The following ANKRD28 variants were observed in gnomAD, a reference collection of about 807,000 sequenced individuals.
The protein encoded by ANKRD28 is ankyrin repeat domain 28, also known as serine/threonine-protein phosphatase 6 regulatory ankyrin repeat subunit A.
A neutral mutation model predicts 126.5 loss-of-function variants in ANKRD28; 44 were observed. The observed-to-expected ratio is 0.35, with a 90% CI of 0.27 to 0.45. The LOEUF is 0.45. Among genes scored for constraint, ANKRD28 ranks in the 20% least tolerant of loss-of-function variants. The pLI is 1.00. For synonymous variants in ANKRD28, 442 were observed against 468.5 expected (o/e 0.94, Z 0.73); for missense variants, 1,110 against 1,316.6 (o/e 0.84, Z 2.43).
rs1270330162 is a variant in ANKRD28 at position 15,845,439 on chromosome 3, G to A, written c.27+13938C>T. Reference sequence around the variant, plus strand: ...AGGTTACAGCTCCTTGGCATTATCTGTTGAAGTTTCTTGATTCCAGACATC... The same window carrying A: ...AGGTTACAGCTCCTTGGCATTATCTATTGAAGTTTCTTGATTCCAGACATC... On this transcript the variant is annotated intron_variant, in intron 1 of 27. Coordinates refer to the ANKRD28 transcript ENST00000399451. The surrounding 1 kb of genome is among the most constrained non-coding windows in gnomAD (Gnocchi z 4.9). 6.6e-6 allele frequency among the ~76,000 whole-genome samples: 1 copy of A among 152,150 alleles called. No homozygotes were observed. The highest frequency in any genetic ancestry group is 1.5e-5 in the Non-Finnish European group (1 of 68,026).
intron 1 of ANKRD28, among the ~76,000 whole-genome samples, chr3:15,842,091 TATA>T (rs140019998): frequency 0.025 from 3,739 of 148,830 alleles, 162 homozygotes; most frequent in African/African-American, 0.085. Flanking sequence ...TATATTATTT[TATA>T]ATAATTGATA....
intron 14 of ANKRD28, among the ~76,000 whole-genome samples, chr3:15,702,298 A>G (rs1194083865): frequency 6.6e-6 from 1 of 152,210 alleles, no homozygotes; most frequent in African/African-American, 2.4e-5. Context: ...GGTGCTTATA[A>G]AATACTGAAT....
rs982303257 is a variant in ANKRD28 at position 15,816,325 on chromosome 3, C to T, written c.28-21019G>A. Among the ~76,000 whole-genome samples the T allele has an allele frequency of 8.5e-5, 13 of 152,156 alleles. No individual in the cohort carries two copies. The highest frequency in any genetic ancestry group is 4.4e-5 in the Non-Finnish European group (3 of 68,024). ...AATAACTATTTATATGCTAAATGCA[C>T]GGAATATAGCAGTAAACACAAGAAT... On this transcript the variant is annotated intron_variant, in intron 1 of 27. Transcript: ENST00000399451. This position sits in a 1 kb window ranked among gnomAD's most constrained non-coding sequence, Gnocchi z 5.0.
In ANKRD28 at chr3:15,735,492, G is replaced by C; in HGVS notation, c.558C>G (p.Val186=). 2 of 1,551,976 alleles carry C rather than the reference G, an allele frequency of 1.3e-6. No homozygotes were observed. The highest frequency in any genetic ancestry group is 1.7e-6 in the Non-Finnish European group (2 of 1,146,774). ...TGGCACCTCTAGACAAGAGTAGTTTGACCATCTGGAATAGAAGTAAACACA... is the reference window on the plus strand; with the variant it reads ...TGGCACCTCTAGACAAGAGTAGTTTCACCATCTGGAATAGAAGTAAACACA... ...HAAFSGHGEM[V]KLLLSRGANI... The change falls in exon 6 of 28, where the codon GTC becomes GTG. Residue 186 remains valine (V), a synonymous_variant. Coordinates refer to ENST00000683139, the MANE Select transcript of ANKRD28 (RefSeq NM_001349278.2).
chr3:15,807,773 A>T (rs1337039882), intron 1 of ANKRD28, among the ~76,000 whole-genome samples: 1 of 152,252 alleles, frequency 6.6e-6, no homozygotes, highest in African/African-American at 2.4e-5. Context: ...AAATATTTGA[A>T]GTACTGTCAC....
intron 14 of ANKRD28, among the ~76,000 whole-genome samples, chr3:15,699,072 T>A (rs2070137681): frequency 6.6e-6 from 1 of 152,078 alleles, no homozygotes; most frequent in African/African-American, 2.4e-5. Flanking sequence ...AACAGAGGCC[T>A]CAGAAATAAC....
At chr3:15,679,873 T>C (rs559137906) in intron 21 of ANKRD28, among the ~76,000 whole-genome samples, 4 of 151,972 alleles carry the variant, frequency 2.6e-5, no homozygotes, top group Non-Finnish European at 5.9e-5. Flanking sequence ...GCAGACTTTT[T>C]TTCTTGTCAT....
chr3:15,822,837 C>T (rs2060974676), intron 1 of ANKRD28, among the ~76,000 whole-genome samples: 1 of 152,124 alleles, frequency 6.6e-6, no homozygotes, highest in African/African-American at 2.4e-5. Context: ...ATAGCTAGTT[C>T]TTTGAAAACA....
intron 4 of ANKRD28, among the ~76,000 whole-genome samples, chr3:15,737,843 A>T (rs1390127235): frequency 6.6e-6 from 1 of 151,962 alleles, no homozygotes; most frequent in Non-Finnish European, 1.5e-5. Context: ...ACTATTTCTC[A>T]ATGTATTATA....
At chr3:15,748,136 T>C (rs1051485737) in intron 4 of ANKRD28, among the ~76,000 whole-genome samples, 1 of 152,226 alleles carries the variant, frequency 6.6e-6, no homozygotes, top group Non-Finnish European at 1.5e-5. Context: ...GGTGAATTCT[T>C]ATCCATTCTT....
chr3:15,694,598 A>C, intron 17 of ANKRD28, 141 bp downstream of exon 17: 1 of 529,080 alleles, frequency 1.9e-6, no homozygotes, highest in East Asian at 3.2e-5. Context: ...TGAATTAAAG[A>C]AAGTTCTCAA....
intron 2 of ANKRD28, among the ~76,000 whole-genome samples, chr3:15,778,024 A>G (rs1182797613): frequency 1.3e-5 from 2 of 152,136 alleles, no homozygotes; most frequent in Non-Finnish European, 2.9e-5. Flanking sequence ...ACACTTAGTA[A>G]TTTGTTATGC....
intron 17 of ANKRD28, among the ~76,000 whole-genome samples, chr3:15,691,103 A>C (rs977711189): frequency 5.9e-5 from 9 of 152,014 alleles, no homozygotes; most frequent in African/African-American, 2.2e-4. Context: ...GTAAGACTGA[A>C]GATTTGTCAG....
intron 1 of ANKRD28, among the ~76,000 whole-genome samples, chr3:15,808,480 T>C (rs1243301665): frequency 6.6e-6 from 1 of 152,220 alleles, no homozygotes; most frequent in African/African-American, 2.4e-5. Flanking sequence ...TATTTGTATT[T>C]TCAACTTTTT....
chr3:15,822,682 T>TAA (rs370806538), intron 1 of ANKRD28, among the ~76,000 whole-genome samples: 1 of 144,808 alleles, frequency 6.9e-6, no homozygotes, highest in Non-Finnish European at 1.5e-5. Context: ...CTCACAGAAC[T>TAA]AAAAAAAAAA....
chr3:15,689,568 G>A (rs997424502), intron 18 of ANKRD28, among the ~76,000 whole-genome samples: 1 of 152,228 alleles, frequency 6.6e-6, no homozygotes, highest in African/African-American at 2.4e-5. Flanking sequence ...CTTTTCATGA[G>A]AGCAGGACAG....
chr3:15,751,099 G>GA (rs760829884), intron 4 of ANKRD28, among the ~76,000 whole-genome samples: 3 of 151,628 alleles, frequency 2.0e-5, no homozygotes, highest in Non-Finnish European at 2.9e-5. Flanking sequence ...AGTTTTTCAT[G>GA]AATCATTAAC....
At chr3:15,742,366 G>T (rs551925170) in intron 4 of ANKRD28, among the ~76,000 whole-genome samples, 1 of 149,702 alleles carries the variant, frequency 6.7e-6, no homozygotes, top group Admixed American at 6.6e-5. Context: ...CGTCTGAGAT[G>T]TGGGGAGCGC....
At chr3:15,808,858 AATC>A (rs1217391000) in intron 1 of ANKRD28, among the ~76,000 whole-genome samples, 1 of 152,184 alleles carries the variant, frequency 6.6e-6, no homozygotes, top group Non-Finnish European at 1.5e-5. Flanking sequence ...TTTATTACAA[AATC>A]ATCATTATTC....
Sources: allele counts gnomAD v4.1 joint callset (sites outside exome capture counted in the v4.1 genomes callset), GRCh38; gene constraint gnomAD v4.1.1; non-coding constraint Gnocchi (gnomAD v3.1); transcripts MANE v1.5; gene names NCBI Gene and HGNC (gene_info 2026-07-23, HGNC 2026-07-21).